Variants in ARID2 observed in about 807,000 individuals in gnomAD.
ARID2 encodes AT-rich interactive domain-containing protein 2.
Under a neutral mutation model 184.6 loss-of-function variants are expected in ARID2, and 32 were observed. The observed-to-expected ratio is 0.17, with a 90% CI of 0.13 to 0.23. The LOEUF is 0.23. Among genes scored for constraint, ARID2 ranks in the 10% least tolerant of loss-of-function variants. The pLI is 1.00. For synonymous variants in ARID2, 836 were observed against 772.6 expected, an observed-to-expected ratio of 1.08 and a Z score of -1.36; for missense variants, 1,696 against 2,197.6, an observed-to-expected ratio of 0.77 and a Z score of 4.56.
chr12:45,834,755 G>A (rs971141271), intron 6 of ARID2, among the ~76,000 whole-genome samples: 6 of 152,116 alleles, frequency 3.9e-5, no homozygotes, highest in Admixed American at 6.6e-5. Context: ...AAAGAAATAC[G>A]TTGGCAGATA....
rs1401056915 is a variant in ARID2 at position 45,836,823 on chromosome 12, G to A, written c.855G>A (p.Arg285=). The A allele has an allele frequency of 6.2e-7, 1 of 1,614,106 alleles. No homozygotes were observed. Among genetic ancestry groups the A allele is most frequent in the South Asian group, 1.1e-5 (1 of 91,076 alleles). The change falls in exon 8 of 21, where the codon CGG becomes CGA. Residue 285 remains arginine (R), a synonymous_variant. Transcript: ENST00000334344. ...GCATTAACGATATTGAAGGACAGCGGGTACTTCAGATTGCAGTGATTTTGA... is the reference window on the plus strand; with the variant it reads ...GCATTAACGATATTGAAGGACAGCGAGTACTTCAGATTGCAGTGATTTTGA... ...KLGINDIEGQ[R]VLQIAVILRN...
intron 20 of ARID2, among the ~76,000 whole-genome samples, chr12:45,899,212 C>T (rs113452887): frequency 0.17 from 21,207 of 127,584 alleles, 1,919 homozygotes; most frequent in Admixed American, 0.27. Context: ...GCGGAGGTTG[C>T]GGTGAGCCAA....
intron 16 of ARID2, among the ~76,000 whole-genome samples, chr12:45,877,735 G>T (rs561536166): frequency 6.6e-6 from 1 of 152,154 alleles, no homozygotes; most frequent in East Asian, 1.9e-4. Context: ...ATAATCACCA[G>T]ATATACTATT....
intron 16 of ARID2, among the ~76,000 whole-genome samples, chr12:45,880,562 T>G (rs1356632343): frequency 6.6e-6 from 1 of 152,210 alleles, no homozygotes; most frequent in Admixed American, 6.5e-5. Context: ...GGCAATTTTA[T>G]TACTTTATCC....
chr12:45,872,329 C>T (rs981975624), intron 16 of ARID2, among the ~76,000 whole-genome samples: 1 of 152,006 alleles, frequency 6.6e-6, no homozygotes, highest in African/African-American at 2.4e-5. Context: ...TTTTCATTTT[C>T]CTCTAGTTCG....
chr12:45,794,415 T>C, intron 3 of ARID2, among the ~76,000 whole-genome samples: 1 of 152,214 alleles, frequency 6.6e-6, no homozygotes, highest in East Asian at 1.9e-4. Flanking sequence ...TTGGAACCCT[T>C]TGCTCTATCT....
intron 3 of ARID2, among the ~76,000 whole-genome samples, chr12:45,799,525 T>TA (rs199854811): frequency 0.011 from 1,616 of 152,306 alleles, 20 homozygotes; most frequent in South Asian, 0.026. Flanking sequence ...GTCAGTGTAA[T>TA]ATGTAAATCT....
intron 3 of ARID2, among the ~76,000 whole-genome samples, chr12:45,746,273 G>A (rs1941353935): frequency 6.6e-6 from 1 of 151,912 alleles, no homozygotes; most frequent in Non-Finnish European, 1.5e-5. Flanking sequence ...ACCATACCTG[G>A]CTGATGTGTA....
rs887007307 is a variant in ARID2 at position 45,730,193 on chromosome 12, C to T, written c.186+56C>T. On this transcript the variant is annotated intron_variant, in intron 2 of 20. Transcript: ENST00000334344. ...CTCGCTGGCCTCCTCCAAAAAGTCT[C>T]CTTTGACCCCGGAGTGGGCGCTTGG... 1.1e-5 allele frequency: 18 copies of T among 1,577,710 alleles called. 1 individual carries two copies. The highest frequency in any genetic ancestry group is 5.2e-5 in the Admixed American group (3 of 58,128).
intron 20 of ARID2, among the ~76,000 whole-genome samples, chr12:45,897,389 CTG>C (rs1448191231): frequency 2.0e-5 from 3 of 152,184 alleles, no homozygotes; most frequent in East Asian, 1.9e-4. Context: ...ACCAGACAAA[CTG>C]TACTTCGTCA....
In ARID2 at chr12:45,837,487, A is replaced by G. The variant is rs753699311; in HGVS notation, c.1121-11A>G. 30 of 1,613,424 alleles carry G rather than the reference A, an allele frequency of 1.9e-5. No homozygotes were observed. The highest frequency in any genetic ancestry group is 2.4e-5 in the Non-Finnish European group (28 of 1,179,650). ...TCATTTCTTAGTAATACATATTTGT[A>G]TGTTTTTCAGGCATGGAAATTTTGG... On this transcript the variant is annotated splice_polypyrimidine_tract_variant and intron_variant, in intron 9 of 20. Coordinates refer to ENST00000334344, the MANE Select transcript of ARID2 (RefSeq NM_152641.4).
At chr12:45,743,120 G>A (rs958529530) in intron 3 of ARID2, among the ~76,000 whole-genome samples, 4 of 151,836 alleles carry the variant, frequency 2.6e-5, no homozygotes, top group African/African-American at 7.3e-5. Flanking sequence ...TTGGAAGGCC[G>A]AGGTGGGTGG....
At chr12:45,805,716 G>A (rs190544235) in intron 3 of ARID2, among the ~76,000 whole-genome samples, 1 of 152,158 alleles carries the variant, frequency 6.6e-6, no homozygotes, top group Non-Finnish European at 1.5e-5. Flanking sequence ...GATTACCACA[G>A]TTAAGTTAGT....
intron 20 of ARID2, among the ~76,000 whole-genome samples, chr12:45,899,609 A>ATATATATATATGTATATATTTGGT (rs1944420803): frequency 6.8e-6 from 1 of 147,210 alleles, no homozygotes; most frequent in Non-Finnish European, 1.5e-5. Context: ...CCATCTCAAA[A>ATATATATATATGTATATATTTGGT]TATATATATA....
At chr12:45,904,881 G>C in intron 20 of ARID2, 53 bp from the exon 21 acceptor site, 1 of 1,589,734 alleles carries the variant, frequency 6.3e-7, no homozygotes, top group Admixed American at 1.8e-5. Context: ...TCATGATAAA[G>C]AGTCATCGCT....
At chr12:45,890,637 T>C (rs561989071) in intron 16 of ARID2, among the ~76,000 whole-genome samples, 4 of 152,246 alleles carry the variant, frequency 2.6e-5, no homozygotes, top group Admixed American at 6.5e-5. Flanking sequence ...TTTATATAGA[T>C]GCATGTGATG....
Position 45,834,331 on chromosome 12 carries a change from T to G in ARID2, c.706-2258T>G, listed in dbSNP as rs185371296. ...GGCTTAACCACAGTTACCTTTATCA[T>G]TTATTCTTCCTTAGATTGTAGATAA... is the stretch of plus-strand genomic sequence containing the variant. On this transcript the variant is annotated intron_variant, in intron 6 of 20. Transcript: ENST00000334344. Among the ~76,000 whole-genome samples, 358 of 152,330 alleles carry G rather than the reference T, an allele frequency of 2.4e-3. 1 individual carries two copies. The highest frequency in any genetic ancestry group is 7.8e-3 in the African/African-American group (323 of 41,570).
At chr12:45,831,335 T>C (rs1461303105) in intron 6 of ARID2, among the ~76,000 whole-genome samples, 1 of 152,180 alleles carries the variant, frequency 6.6e-6, no homozygotes, top group Non-Finnish European at 1.5e-5. Context: ...CAACTGAGTA[T>C]CTTCTCATTT....
chr12:45,866,305 G>A (rs1943831149), intron 16 of ARID2, among the ~76,000 whole-genome samples: 1 of 152,054 alleles, frequency 6.6e-6, no homozygotes, highest in Admixed American at 6.6e-5. Context: ...CTTGAATTAT[G>A]AGGACACATT....
Sources: gnomAD v4.1 joint callset for allele counts (sites outside exome capture counted in the v4.1 genomes callset) on GRCh38, gnomAD v4.1.1 for gene constraint, MANE v1.5 for transcripts, NCBI Gene and HGNC (gene_info 2026-07-23, HGNC 2026-07-21) for gene names.